Variants in TASP1 observed in about 807,000 individuals in gnomAD.
TASP1 encodes the protein threonine aspartase 1.
TASP1 carries 16 observed loss-of-function variants against 56.6 expected under a neutral mutation model. That is an observed-to-expected ratio of 0.28 (90% CI 0.19 to 0.43). The LOEUF (loss-of-function observed/expected upper bound fraction) is 0.43, where lower values mean the gene tolerates loss of function less well. Among genes scored for constraint, TASP1 ranks in the 20% least tolerant of loss-of-function variants. The pLI is 1.00. For missense variants in TASP1, 393 were observed against 511.6 expected (o/e 0.77, Z 2.24); for synonymous variants, 179 against 184.2 (o/e 0.97, Z 0.23).
chr20:13,276,716 T>C, the TASP1 span, among the ~76,000 whole-genome samples: 1 of 152,236 alleles, frequency 6.6e-6, no homozygotes, highest in Non-Finnish European at 1.5e-5. Flanking sequence ...ACATTGATCA[T>C]TGTTCAAGAC....
At chr20:13,431,380 TAC>T (rs1334096110) in intron 12 of TASP1, among the ~76,000 whole-genome samples, 1 of 152,162 alleles carries the variant, frequency 6.6e-6, no homozygotes, top group Non-Finnish European at 1.5e-5. Context: ...AGTCCCCTTT[TAC>T]AGGCAGAGGT....
chr20:13,191,850 C>T, the TASP1 span, among the ~76,000 whole-genome samples: 5 of 152,060 alleles, frequency 3.3e-5, no homozygotes, highest in Non-Finnish European at 5.9e-5. Context: ...ATCACCTGTG[C>T]CTCATAAATA....
intron 10 of TASP1, among the ~76,000 whole-genome samples, chr20:13,503,443 C>G (rs1396073075): frequency 1.3e-5 from 2 of 152,158 alleles, no homozygotes; most frequent in African/African-American, 4.8e-5. Flanking sequence ...AAGAGCGTCT[C>G]AGAATCCCTA....
intron 4 of TASP1, among the ~76,000 whole-genome samples, chr20:13,590,650 A>G (rs879897835): frequency 3.3e-4 from 50 of 152,158 alleles, no homozygotes; most frequent in Non-Finnish European, 7.1e-4. Context: ...GGAGGATTAC[A>G]AGGTCAGGCA....
chr20:13,522,015 T>C (rs1008259515), intron 10 of TASP1, among the ~76,000 whole-genome samples: 3 of 152,062 alleles, frequency 2.0e-5, no homozygotes, highest in African/African-American at 7.2e-5. Context: ...CTTGAGACAC[T>C]GAGGGTGGAG....
At chr20:13,403,235 T>C (rs998839008) in intron 13 of TASP1, among the ~76,000 whole-genome samples, 1 of 151,940 alleles carries the variant, frequency 6.6e-6, no homozygotes, top group Non-Finnish European at 1.5e-5. Flanking sequence ...TAACATTAAC[T>C]TGCAAGTTAG....
the TASP1 span, among the ~76,000 whole-genome samples, chr20:13,297,908 C>T: frequency 6.6e-6 from 1 of 152,110 alleles, no homozygotes; most frequent in Non-Finnish European, 1.5e-5. Flanking sequence ...GTAAGTGCCC[C>T]GGGCTCCTTC....
At chr20:13,588,010 C>T (rs1304714230) in intron 4 of TASP1, among the ~76,000 whole-genome samples, 1 of 151,872 alleles carries the variant, frequency 6.6e-6, no homozygotes, top group Non-Finnish European at 1.5e-5. Context: ...ATCTGTGGTG[C>T]CAGCTGCTCG....
At chr20:13,292,759 A>G in the TASP1 span, among the ~76,000 whole-genome samples, 1 of 152,178 alleles carries the variant, frequency 6.6e-6, no homozygotes, top group African/African-American at 2.4e-5. Flanking sequence ...CAGGGGCTCA[A>G]GTCACATGGA....
the TASP1 span, among the ~76,000 whole-genome samples, chr20:13,263,952 G>A: frequency 2.6e-5 from 4 of 151,410 alleles, no homozygotes; most frequent in East Asian, 7.8e-4. Context: ...TTCAGTAGAA[G>A]ATTCCTAGGG....
the TASP1 span, among the ~76,000 whole-genome samples, chr20:13,277,622 T>C: frequency 6.7e-6 from 1 of 148,852 alleles, no homozygotes; most frequent in Non-Finnish European, 1.5e-5. Flanking sequence ...ATGTATTCCT[T>C]TTCTTTTCTT....
intron 10 of TASP1, among the ~76,000 whole-genome samples, chr20:13,492,018 C>T (rs190164401): frequency 4.6e-5 from 7 of 152,236 alleles, no homozygotes; most frequent in Admixed American, 3.3e-4. Flanking sequence ...CCACTCCCAC[C>T]TCAATTCTAA....
At chr20:13,439,462 C>A (rs930818873) in intron 11 of TASP1, among the ~76,000 whole-genome samples, 2 of 152,032 alleles carry the variant, frequency 1.3e-5, no homozygotes, top group Non-Finnish European at 2.9e-5. Context: ...ACAATGAGAA[C>A]ACATGGACAC....
chr20:13,297,930 G>T, the TASP1 span, among the ~76,000 whole-genome samples: 1 of 152,060 alleles, frequency 6.6e-6, no homozygotes, highest in South Asian at 2.1e-4. Context: ...TCTTTGAGGC[G>T]CCTTGCCATG....
At chr20:13,521,549 G>T (rs539324131) in intron 10 of TASP1, among the ~76,000 whole-genome samples, 6 of 149,686 alleles carry the variant, frequency 4.0e-5, no homozygotes, top group Admixed American at 6.7e-5. Flanking sequence ...ACCAAACACC[G>T]CATGTTCTCA....
chr20:13,636,486 T>A (rs2049315799), intron 1 of TASP1, among the ~76,000 whole-genome samples: 1 of 152,010 alleles, frequency 6.6e-6, no homozygotes, highest in African/African-American at 2.4e-5. Context: ...AACATCGTGA[T>A]ATTGAAGGTT....
At chr20:13,269,950 T>C in the TASP1 span, among the ~76,000 whole-genome samples, 1 of 151,680 alleles carries the variant, frequency 6.6e-6, no homozygotes, top group Non-Finnish European at 1.5e-5. Flanking sequence ...GATGGATGGA[T>C]GGATGGATGG....
At chr20:13,427,157 G>A (rs916044930) in intron 12 of TASP1, among the ~76,000 whole-genome samples, 2 of 152,172 alleles carry the variant, frequency 1.3e-5, no homozygotes, top group Non-Finnish European at 1.5e-5. Flanking sequence ...AAGTACATGT[G>A]TTTATATGTG....
At chr20:13,614,254 T>C (rs1401831309) in intron 4 of TASP1, among the ~76,000 whole-genome samples, 1 of 152,184 alleles carries the variant, frequency 6.6e-6, no homozygotes. Flanking sequence ...CATAGTATGT[T>C]GAATACCAGG....
Sources: allele counts gnomAD v4.1 joint callset (sites outside exome capture counted in the v4.1 genomes callset), GRCh38; gene constraint gnomAD v4.1.1; transcripts MANE v1.5; gene names NCBI Gene and HGNC (gene_info 2026-07-23, HGNC 2026-07-21).